The following ELAVL3 variants were observed in gnomAD, a reference collection of about 807,000 sequenced individuals.
ELAVL3 encodes ELAV like RNA binding protein 3.
In ELAVL3, 8 loss-of-function variants were observed where a neutral mutation model predicts 34.2. The observed-to-expected ratio is 0.23, with a 90% CI of 0.14 to 0.42. ELAVL3 has a LOEUF of 0.42. Ranked by LOEUF, ELAVL3 falls within the 10% of genes least tolerant of loss-of-function variation. The pLI, the probability that ELAVL3 is intolerant of heterozygous loss-of-function variation, is 1.00. For synonymous variants in ELAVL3, 209 were observed against 222.1 expected (o/e 0.94, Z 0.53); for missense variants, 273 against 518.8 (o/e 0.53, Z 4.60).
At chr19:11,462,375 G>A (rs1970906007) in intron 3 of ELAVL3, among the ~76,000 whole-genome samples, 1 of 151,936 alleles carries the variant, frequency 6.6e-6, no homozygotes. Context: ...GGTGGCTCAC[G>A]CCTGTAATCC....
At chr19:11,475,149 T>A (rs1971239954) in intron 1 of ELAVL3, among the ~76,000 whole-genome samples, 1 of 152,108 alleles carries the variant, frequency 6.6e-6, no homozygotes, top group Non-Finnish European at 1.5e-5. Flanking sequence ...TAATGAGCAT[T>A]CCACTACACT....
chr19:11,454,284 G>T lies in ELAVL3; in HGVS notation c.*242C>A. On this transcript the variant is annotated 3_prime_UTR_variant, in exon 7 of 7. Transcript: ENST00000359227. The surrounding 1 kb of genome is among the most constrained non-coding windows in gnomAD (Gnocchi z 9.2). ...CCAAACCAAGACGAGAGAGTGAACAGCCCAGCCTGGGGTGGGGGCAGGAGG... is the reference window on the plus strand; with the variant it reads ...CCAAACCAAGACGAGAGAGTGAACATCCCAGCCTGGGGTGGGGGCAGGAGG... 1.9e-6 allele frequency: 1 copy of T among 533,308 alleles called. No individual in the cohort carries two copies. Among genetic ancestry groups the T allele is most frequent in the Non-Finnish European group, 3.3e-6 (1 of 300,356 alleles). The allele number at this position is 533,308 out of a possible 1,614,324, so 33.0% of individuals were successfully genotyped here.
intron 1 of ELAVL3, among the ~76,000 whole-genome samples, chr19:11,473,140 T>A (rs1400092518): frequency 6.6e-6 from 1 of 151,664 alleles, no homozygotes; most frequent in African/African-American, 2.4e-5. Context: ...CCGAGGCGTG[T>A]GGATCACGAG....
At chr19:11,479,500 ACG>A (rs1347421192) in intron 1 of ELAVL3, among the ~76,000 whole-genome samples, 2 of 151,308 alleles carry the variant, frequency 1.3e-5, no homozygotes, top group Non-Finnish European at 3.0e-5. Context: ...CAGACAAAGG[ACG>A]CGCGGCGGCG....
At chr19:11,476,389 A>G (rs1599551916) in intron 1 of ELAVL3, among the ~76,000 whole-genome samples, 1 of 151,940 alleles carries the variant, frequency 6.6e-6, no homozygotes, top group Non-Finnish European at 1.5e-5. Flanking sequence ...AAAATTTCCA[A>G]AAAAATTAGC....
intron 1 of ELAVL3, among the ~76,000 whole-genome samples, chr19:11,476,518 T>A (rs2144914548): frequency 6.7e-6 from 1 of 150,260 alleles, no homozygotes; most frequent in Middle Eastern, 3.4e-3. Flanking sequence ...CACTCCAGCC[T>A]AGGCGAGAGG....
At chr19:11,476,990 G>C (rs777110062) in intron 1 of ELAVL3, among the ~76,000 whole-genome samples, 1 of 152,142 alleles carries the variant, frequency 6.6e-6, no homozygotes, top group African/African-American at 2.4e-5. Flanking sequence ...GAAAAGACCA[G>C]TAATATAATA....
intron 1 of ELAVL3, among the ~76,000 whole-genome samples, chr19:11,470,455 C>T (rs1050868348): frequency 2.0e-5 from 3 of 150,876 alleles, no homozygotes; most frequent in Non-Finnish European, 4.4e-5. Flanking sequence ...CACCTGAGGT[C>T]GGGAGTTCGA....
At chr19:11,463,460 T>C (rs756903193) in intron 3 of ELAVL3, among the ~76,000 whole-genome samples, 5 of 152,066 alleles carry the variant, frequency 3.3e-5, no homozygotes, top group Non-Finnish European at 7.4e-5. Flanking sequence ...GGAGGGAGTC[T>C]CAGAGAATTA....
chr19:11,465,631 G>T (rs1314733212), intron 3 of ELAVL3, among the ~76,000 whole-genome samples: 2 of 151,604 alleles, frequency 1.3e-5, no homozygotes, highest in Non-Finnish European at 2.9e-5. Context: ...GAGCAGATTT[G>T]CAGGGCGGAG....
chr19:11,479,033 C>G (rs1971316329), intron 1 of ELAVL3, among the ~76,000 whole-genome samples: 1 of 152,236 alleles, frequency 6.6e-6, no homozygotes, highest in African/African-American at 2.4e-5. Context: ...CCAGGGCTCG[C>G]TCACTGGAGA....
chr19:11,472,283 TTGC>T (rs1971179009), intron 1 of ELAVL3, among the ~76,000 whole-genome samples: 1 of 152,020 alleles, frequency 6.6e-6, no homozygotes, highest in African/African-American at 2.4e-5. Context: ...GAGGCGGAGG[TTGC>T]AGTGAGCCAA....
At chr19:11,479,098 T>G (rs1248862675) in intron 1 of ELAVL3, among the ~76,000 whole-genome samples, 2 of 152,156 alleles carry the variant, frequency 1.3e-5, no homozygotes, top group Admixed American at 1.3e-4. Flanking sequence ...TTTCCCTTTG[T>G]GCATTAGTTT....
chr19:11,464,701 CCACACACACCACA>C (rs1970979560), intron 3 of ELAVL3, among the ~76,000 whole-genome samples: 9 of 136,510 alleles, frequency 6.6e-5, no homozygotes, highest in South Asian at 2.4e-4. Flanking sequence ...CACACATACA[CCACACACACCACA>C]CACACACACA....
chr19:11,476,491 G>C (rs1971265256), intron 1 of ELAVL3, among the ~76,000 whole-genome samples: 1 of 151,900 alleles, frequency 6.6e-6, no homozygotes, highest in Non-Finnish European at 1.5e-5. Flanking sequence ...GATGCAGGGA[G>C]CGTGATCATG....
At chr19:11,461,484 C>T (rs1970884141) in intron 3 of ELAVL3, among the ~76,000 whole-genome samples, 1 of 139,536 alleles carries the variant, frequency 7.2e-6, no homozygotes, top group Non-Finnish European at 1.6e-5. Flanking sequence ...CCCTCCCTTC[C>T]TTCCTTCCTT....
chr19:11,467,314 C>G (rs1377085300), intron 1 of ELAVL3, among the ~76,000 whole-genome samples: 2 of 151,726 alleles, frequency 1.3e-5, no homozygotes, highest in East Asian at 2.0e-4. Flanking sequence ...CCCAGCTACT[C>G]GGGAGGCTGA....
chr19:11,457,287 C>G (rs952377205), intron 5 of ELAVL3, 139 bp from the exon 6 acceptor site: 1 of 910,114 alleles, frequency 1.1e-6, no homozygotes, highest in Non-Finnish European at 1.6e-6. Context: ...CCCGCCCGCC[C>G]GGCTAGACAC....
rs569569494 is a variant in ELAVL3 at position 11,462,726 on chromosome 19, A to AG, written c.333+3445dup. ...TAATCCCAGCACTTTGGGAGGCTTG[A>AG]GGGGGGTGGATGATCTGAGGTTGGG... is the stretch of plus-strand genomic sequence containing the variant. On this transcript the variant is annotated intron_variant, in intron 3 of 6. Transcript: ENST00000359227. Among the ~76,000 whole-genome samples the AG allele has an allele frequency of 8.6e-3, 1,302 of 151,890 alleles. 16 individuals are homozygous for AG. The highest frequency in any genetic ancestry group is 0.027 in the African/African-American group (1,131 of 41,408).
Sources: allele counts gnomAD v4.1 joint callset (sites outside exome capture counted in the v4.1 genomes callset), GRCh38; gene constraint gnomAD v4.1.1; non-coding constraint Gnocchi (gnomAD v3.1); transcripts MANE v1.5; gene names NCBI Gene and HGNC (gene_info 2026-07-23, HGNC 2026-07-21).